KCNK5: variants seen among roughly 807,000 people sequenced by gnomAD.
KCNK5 encodes potassium two pore domain channel subfamily K member 5.
In KCNK5, 18 loss-of-function variants were observed where a neutral mutation model predicts 32.9. The observed-to-expected ratio is 0.55, with a 90% CI of 0.38 to 0.81. KCNK5 has a LOEUF of 0.81. Ranked by LOEUF, KCNK5 falls within the 30% of genes least tolerant of loss-of-function variation. The pLI is 0.00. For synonymous variants in KCNK5, 276 were observed against 275.3 expected (o/e 1.00, Z -0.03); for missense variants, 507 against 651.0 (o/e 0.78, Z 2.41).
At chr6:39,203,690 A>G (rs953702339) in intron 1 of KCNK5, among the ~76,000 whole-genome samples, 1 of 152,190 alleles carries the variant, frequency 6.6e-6, no homozygotes, top group African/African-American at 2.4e-5. Flanking sequence ...CTCTCGGTAC[A>G]GGCTGCCCAG....
At chr6:39,202,131 C>A (rs545325085) in intron 1 of KCNK5, among the ~76,000 whole-genome samples, 201 of 152,224 alleles carry the variant, frequency 1.3e-3, no homozygotes, top group Non-Finnish European at 2.1e-3. Context: ...TAGAACACTG[C>A]CTAGCACACA....
chr6:39,202,934 T>A (rs958828562), intron 1 of KCNK5, among the ~76,000 whole-genome samples: 1 of 152,148 alleles, frequency 6.6e-6, no homozygotes, highest in Non-Finnish European at 1.5e-5. Flanking sequence ...TCTCTGTCTG[T>A]AAAATAACAC....
At chr6:39,193,695 T>G (rs999087495) in intron 4 of KCNK5, among the ~76,000 whole-genome samples, 3 of 152,218 alleles carry the variant, frequency 2.0e-5, no homozygotes, top group African/African-American at 7.2e-5. Flanking sequence ...GTCTTTAAGC[T>G]GCTACAGCAG....
chr6:39,221,532 T>G (rs552965857), intron 1 of KCNK5, among the ~76,000 whole-genome samples: 1 of 152,322 alleles, frequency 6.6e-6, no homozygotes, highest in African/African-American at 2.4e-5. Context: ...TGGCACCTGG[T>G]AGGCACTCCA....
At chr6:39,221,053 C>T (rs1771538445) in intron 1 of KCNK5, among the ~76,000 whole-genome samples, 1 of 150,098 alleles carries the variant, frequency 6.7e-6, no homozygotes, top group Non-Finnish European at 1.5e-5. Context: ...GGTAGCCTCA[C>T]ATAGAAGAGA....
At chr6:39,201,721 TG>T (rs1771136473) in intron 1 of KCNK5, among the ~76,000 whole-genome samples, 1 of 152,218 alleles carries the variant, frequency 6.6e-6, no homozygotes, top group African/African-American at 2.4e-5. Flanking sequence ...GTAAGGGGTG[TG>T]GGCATGGCTA....
intron 1 of KCNK5, among the ~76,000 whole-genome samples, chr6:39,199,539 A>T (rs1210948198): frequency 6.6e-6 from 1 of 152,140 alleles, no homozygotes; most frequent in Admixed American, 6.5e-5. Flanking sequence ...TGCAAGCACT[A>T]CTCATTCCTT....
At chr6:39,219,968 C>T (rs1418997483) in intron 1 of KCNK5, among the ~76,000 whole-genome samples, 3 of 152,222 alleles carry the variant, frequency 2.0e-5, no homozygotes, top group Admixed American at 6.5e-5. Flanking sequence ...CAGCATAAAC[C>T]GGAGTACAGG....
At chr6:39,199,303 A>G (rs1771086498) in intron 1 of KCNK5, among the ~76,000 whole-genome samples, 1 of 152,254 alleles carries the variant, frequency 6.6e-6, no homozygotes, top group Admixed American at 6.5e-5. Flanking sequence ...GGGTAACTGA[A>G]GAAGGCATTA....
At chr6:39,218,371 T>C (rs1583719778) in intron 1 of KCNK5, among the ~76,000 whole-genome samples, 1 of 152,212 alleles carries the variant, frequency 6.6e-6, no homozygotes, top group Non-Finnish European at 1.5e-5. Context: ...GCCCAGCCTA[T>C]GGGCCATTTT....
intron 1 of KCNK5, among the ~76,000 whole-genome samples, chr6:39,201,040 C>T (rs1454936542): frequency 6.6e-6 from 1 of 152,202 alleles, no homozygotes; most frequent in African/African-American, 2.4e-5. Flanking sequence ...AGAGCTACTC[C>T]CGGCCCTGCC....
At chr6:39,196,298 A>C (rs1413839316) in intron 1 of KCNK5, among the ~76,000 whole-genome samples, 2 of 152,068 alleles carry the variant, frequency 1.3e-5, no homozygotes, top group African/African-American at 4.8e-5. Context: ...GGCCCCTACT[A>C]CTCCGAGTTT....
chr6:39,202,181 TAC>T (rs1771142881), intron 1 of KCNK5, among the ~76,000 whole-genome samples: 1 of 152,188 alleles, frequency 6.6e-6, no homozygotes, highest in African/African-American at 2.4e-5. Flanking sequence ...AGTGAATAAA[TAC>T]ATTTAAATAA....
chr6:39,203,590 A>G (rs1183507665), intron 1 of KCNK5, among the ~76,000 whole-genome samples: 1 of 152,142 alleles, frequency 6.6e-6, no homozygotes, highest in East Asian at 1.9e-4. Context: ...TGAGGCCAGG[A>G]GGTGTTAGAT....
intron 1 of KCNK5, among the ~76,000 whole-genome samples, chr6:39,200,356 G>C (rs1230345845): frequency 6.6e-6 from 1 of 152,212 alleles, no homozygotes; most frequent in Non-Finnish European, 1.5e-5. Flanking sequence ...CCATAAAGCA[G>C]CTGTGATTTA....
chr6:39,213,172 T>C (rs1250664223), intron 1 of KCNK5, among the ~76,000 whole-genome samples: 1 of 152,222 alleles, frequency 6.6e-6, no homozygotes, highest in Non-Finnish European at 1.5e-5. Context: ...TAAAACCAGA[T>C]GTTTGTATAC....
At chr6:39,195,437 T>C (rs1488830418) in intron 2 of KCNK5, among the ~76,000 whole-genome samples, 3 of 152,210 alleles carry the variant, frequency 2.0e-5, no homozygotes, top group South Asian at 2.1e-4. Flanking sequence ...TGCCACTGCA[T>C]TGGGAGCCCA....
chr6:39,220,226 C>T (rs757849293), intron 1 of KCNK5, among the ~76,000 whole-genome samples: 4 of 152,214 alleles, frequency 2.6e-5, no homozygotes, highest in East Asian at 1.9e-4. Flanking sequence ...CAAGCATCCC[C>T]GCTCATAGCA....
Position 39,229,113 on chromosome 6 carries a change from G to C in KCNK5, c.-2C>G. ...GAGCAGAGGGCCCCGGTCCACCATG[G>C]CTCCCGAGCGGCCGCCTCCTAGAGA... On this transcript the variant is annotated 5_prime_UTR_variant, in exon 1 of 5. Coordinates refer to ENST00000359534, the MANE Select transcript of KCNK5 (RefSeq NM_003740.4). The C allele has an allele frequency of 6.2e-7, 1 of 1,613,646 alleles. No homozygotes were observed. Among genetic ancestry groups the C allele is most frequent in the Non-Finnish European group, 8.5e-7 (1 of 1,179,810 alleles).
Sources: allele counts gnomAD v4.1 joint callset (sites outside exome capture counted in the v4.1 genomes callset), GRCh38; gene constraint gnomAD v4.1.1; transcripts MANE v1.5; gene names NCBI Gene and HGNC (gene_info 2026-07-23, HGNC 2026-07-21).